Variants in SYT15B observed in about 807,000 individuals in gnomAD.
SYT15B encodes synaptotagmin-15.
At chr10:47,761,102 GCACACACACACACA>G in the SYT15B span, among the ~76,000 whole-genome samples, 1 of 145,494 alleles carries the variant, frequency 6.9e-6, no homozygotes, top group Non-Finnish European at 1.5e-5. Context: ...ACACACACAC[GCACACACACACACA>G]CACACACACA....
At chr10:47,747,185 T>C in the SYT15B span, among the ~76,000 whole-genome samples, 1 of 151,662 alleles carries the variant, frequency 6.6e-6, no homozygotes, top group African/African-American at 2.4e-5. Flanking sequence ...CAGACGGCCA[T>C]AGCTAAGAGG....
chr10:47,748,211 T>TTTA, the SYT15B span, among the ~76,000 whole-genome samples: 10 of 149,684 alleles, frequency 6.7e-5, no homozygotes, highest in African/African-American at 2.2e-4. Context: ...ATACTTTTTT[T>TTTA]TTATTATTAT....
the SYT15B span, among the ~76,000 whole-genome samples, chr10:47,745,940 G>C: frequency 6.6e-6 from 1 of 150,616 alleles, no homozygotes. Context: ...GCACAATGCA[G>C]CTTGCCTTTT....
At chr10:47,748,492 C>G in the SYT15B span, among the ~76,000 whole-genome samples, 1 of 151,978 alleles carries the variant, frequency 6.6e-6, no homozygotes, top group Non-Finnish European at 1.5e-5. Flanking sequence ...GGATTATAGG[C>G]GTGAGCCACC....
At chr10:47,745,719 A>G in the SYT15B span, among the ~76,000 whole-genome samples, 1 of 136,920 alleles carries the variant, frequency 7.3e-6, no homozygotes, top group East Asian at 3.0e-4. Flanking sequence ...TCCCAGCTCC[A>G]GGAAACATCA....
chr10:47,762,896 G>C, the SYT15B span: 12 of 1,427,008 alleles, frequency 8.4e-6, no homozygotes, highest in African/African-American at 4.5e-5. Context: ...AGAGCCGACC[G>C]TGAGCTCCCG....
the SYT15B span, chr10:47,763,044 C>CA: frequency 1.8e-5 from 19 of 1,044,588 alleles, no homozygotes; most frequent in Non-Finnish European, 2.2e-5. Context: ...CCGCGTCTGA[C>CA]ACAGGGCTCC....
the SYT15B span, among the ~76,000 whole-genome samples, chr10:47,748,509 G>C: frequency 1.3e-5 from 2 of 151,952 alleles, no homozygotes; most frequent in Non-Finnish European, 2.9e-5. Flanking sequence ...CACCGCACCC[G>C]ACCCAGGCAC....
chr10:47,746,774 A>G, the SYT15B span, among the ~76,000 whole-genome samples: 1 of 116,676 alleles, frequency 8.6e-6, no homozygotes, highest in Non-Finnish European at 1.8e-5. Flanking sequence ...TATGGCATTG[A>G]CATGTTGTGA....
At chr10:47,761,002 G>C in the SYT15B span, 1 of 1,430,400 alleles carries the variant, frequency 7.0e-7, no homozygotes, top group Non-Finnish European at 9.3e-7. Context: ...AGCCAGGACG[G>C]TTGAGCACCA....
the SYT15B span, among the ~76,000 whole-genome samples, chr10:47,756,840 G>A: frequency 7.0e-6 from 1 of 142,200 alleles, no homozygotes; most frequent in African/African-American, 2.6e-5. Flanking sequence ...GGGGAGGGAG[G>A]TGCGGGCCTC....
the SYT15B span, among the ~76,000 whole-genome samples, chr10:47,762,403 G>A: frequency 4.0e-5 from 5 of 123,488 alleles, no homozygotes; most frequent in African/African-American, 1.5e-4. Flanking sequence ...CAGGTCTCAG[G>A]GATCTGCACT....
chr10:47,745,001 C>T, the SYT15B span, among the ~76,000 whole-genome samples: 1 of 151,932 alleles, frequency 6.6e-6, no homozygotes, highest in Non-Finnish European at 1.5e-5. Flanking sequence ...TTGATTCCTC[C>T]CCCAAGCCTG....
chr10:47,750,528 CCT>C, the SYT15B span, among the ~76,000 whole-genome samples: 2 of 85,670 alleles, frequency 2.3e-5, no homozygotes, highest in Non-Finnish European at 4.7e-5. Flanking sequence ...CTCACTTCAG[CCT>C]TAACCTCCCG....
At chr10:47,747,800 G>A in the SYT15B span, among the ~76,000 whole-genome samples, 4 of 151,636 alleles carry the variant, frequency 2.6e-5, no homozygotes, top group Admixed American at 1.3e-4. Context: ...GACTTGATGG[G>A]TGGAATAGAG....
chr10:47,760,790 GGCC>G, the SYT15B span: 1 of 1,248,022 alleles, frequency 8.0e-7, no homozygotes, highest in African/African-American at 1.6e-5. Flanking sequence ...CACTCACCAA[GGCC>G]GCCGCTGGAG....
the SYT15B span, among the ~76,000 whole-genome samples, chr10:47,756,419 C>T: frequency 2.3e-5 from 3 of 131,246 alleles, no homozygotes; most frequent in Non-Finnish European, 3.2e-5. Context: ...GGCGGGGCTC[C>T]GCTCCCTTCC....
chr10:47,747,556 G>A, the SYT15B span, among the ~76,000 whole-genome samples: 21 of 138,276 alleles, frequency 1.5e-4, no homozygotes, highest in Admixed American at 4.5e-4. Context: ...TAGTCAGTTC[G>A]GTACCATTGG....
the SYT15B span, among the ~76,000 whole-genome samples, chr10:47,760,636 C>A: frequency 6.6e-6 from 1 of 151,024 alleles, no homozygotes; most frequent in African/African-American, 2.5e-5. Flanking sequence ...GCAAGCACTT[C>A]ATAAATGAAA....
Sources: gnomAD v4.1 joint callset for allele counts (sites outside exome capture counted in the v4.1 genomes callset) on GRCh38, gnomAD v4.1.1 for gene constraint, MANE v1.5 for transcripts, NCBI Gene and HGNC (gene_info 2026-07-23, HGNC 2026-07-21) for gene names.